Variants in MMD2 observed in about 807,000 individuals in gnomAD.
The protein encoded by MMD2 is monocyte to macrophage differentiation associated 2, also known as monocyte to macrophage differentiation factor 2.
Under a neutral mutation model 33.5 loss-of-function variants are expected in MMD2, and 30 were observed. The ratio of observed to expected loss-of-function variants is 0.90; its 90% confidence interval spans 0.67 to 1.22. The LOEUF (loss-of-function observed/expected upper bound fraction) is 1.22, where lower values mean the gene tolerates loss of function less well. Ranked by LOEUF, MMD2 falls within the 50% of genes most tolerant of loss-of-function variation. MMD2 has a pLI of 0.00. For missense variants in MMD2, 364 were observed against 325.4 expected, an observed-to-expected ratio of 1.12 and a Z score of -0.91; for synonymous variants, 129 against 123.0, an observed-to-expected ratio of 1.05 and a Z score of -0.32.
chr7:4,952,862 T>C (rs1329226897), intron 1 of MMD2, among the ~76,000 whole-genome samples: 2 of 152,044 alleles, frequency 1.3e-5, no homozygotes, highest in Non-Finnish European at 2.9e-5. Flanking sequence ...TGGCTAATTT[T>C]TGTATTTTTA....
the MMD2 span, among the ~76,000 whole-genome samples, chr7:4,894,285 T>G: frequency 1.7e-4 from 26 of 152,304 alleles, no homozygotes; most frequent in Admixed American, 1.5e-3. This position sits in a 1 kb window ranked among gnomAD's most constrained non-coding sequence, Gnocchi z 4.3. Context: ...CATGGGGAAG[T>G]CCAGGCCACA....
At chr7:4,899,714 G>T in the MMD2 span, among the ~76,000 whole-genome samples, 3 of 152,050 alleles carry the variant, frequency 2.0e-5, no homozygotes, top group Non-Finnish European at 2.9e-5. Context: ...GTATTTCTTA[G>T]TATGGGTCTT....
At chr7:4,958,676 C>A (rs1237708549) in intron 1 of MMD2, among the ~76,000 whole-genome samples, 1 of 152,220 alleles carries the variant, frequency 6.6e-6, no homozygotes, top group Non-Finnish European at 1.5e-5. Flanking sequence ...CTCACGGCGA[C>A]CCAGGACACG....
At chr7:4,941,636 A>AC (rs1562492054) in intron 1 of MMD2, among the ~76,000 whole-genome samples, 2 of 151,920 alleles carry the variant, frequency 1.3e-5, no homozygotes, top group African/African-American at 4.8e-5. Context: ...TCTCAAAAAA[A>AC]AAAAAAAAAG....
At chr7:4,958,851 G>A (rs1786460209) in intron 1 of MMD2, 120 bp downstream of exon 1, 1 of 875,234 alleles carries the variant, frequency 1.1e-6, no homozygotes, top group Non-Finnish European at 1.5e-6. Context: ...GGGGTCAGGG[G>A]TCCGCCGATC....
At chr7:4,911,499 T>C (rs1342870994) in intron 4 of MMD2, among the ~76,000 whole-genome samples, 1 of 152,204 alleles carries the variant, frequency 6.6e-6, no homozygotes, top group Non-Finnish European at 1.5e-5. Context: ...AAGTAGCACC[T>C]CATACTGGTG....
intron 4 of MMD2, among the ~76,000 whole-genome samples, chr7:4,911,621 C>A (rs1196546293): frequency 7.6e-6 from 1 of 131,242 alleles, no homozygotes; most frequent in African/African-American, 3.0e-5. Flanking sequence ...TATTTTATTT[C>A]ATTTATTTTA....
rs1786090540 is a variant in MMD2, at chr7:4,946,454, T to TG, written c.47+12516dup. Reference sequence around the variant, plus strand: ...TGAGTCCAGTGATGCTGAAGGGAAGTGGGGGTGCAGAGTCTTCACTAAGGG... The same window carrying TG: ...TGAGTCCAGTGATGCTGAAGGGAAGTGGGGGGTGCAGAGTCTTCACTAAGGG... On this transcript the variant is annotated intron_variant, in intron 1 of 6. Transcript: ENST00000401401. The surrounding 1 kb of genome is among the most constrained non-coding windows in gnomAD (Gnocchi z 5.0). Among the ~76,000 whole-genome samples the TG allele has an allele frequency of 6.6e-6, 1 of 151,998 alleles. No homozygotes were observed. The highest frequency in any genetic ancestry group is 1.5e-5 in the Non-Finnish European group (1 of 68,008).
At chr7:4,949,647 GA>G (rs1334186030) in intron 1 of MMD2, among the ~76,000 whole-genome samples, 1 of 151,866 alleles carries the variant, frequency 6.6e-6, no homozygotes, top group African/African-American at 2.4e-5. Flanking sequence ...GAGTAGCTGG[GA>G]CTACAGGCAC....
intron 2 of MMD2, among the ~76,000 whole-genome samples, chr7:4,921,386 C>T (rs1785279911): frequency 6.6e-6 from 1 of 151,400 alleles, no homozygotes; most frequent in Admixed American, 6.6e-5. Flanking sequence ...TTTAGGAGGC[C>T]GAGGCGGGCA....
chr7:4,895,725 C>T, the MMD2 span, among the ~76,000 whole-genome samples: 2 of 151,974 alleles, frequency 1.3e-5, no homozygotes, highest in South Asian at 2.1e-4. Context: ...TTAGTAGAGA[C>T]GTGTTTCATC....
At position 4,925,599 on chromosome 7, in the gene MMD2, G is replaced by A. The variant is rs138487890; in HGVS notation, c.48-67C>T. On this transcript the variant is annotated intron_variant, in intron 1 of 6. Coordinates refer to ENST00000401401, the MANE Select transcript of MMD2 (RefSeq NM_198403.4). ...GAGGTGCCATCCGAATTCCCAGGAA[G>A]CCTGAAGACCTTACTTCCTACTGGT... 3 of 1,267,788 alleles carry A rather than the reference G, an allele frequency of 2.4e-6. No individual in the cohort carries two copies. In the African/African-American group the frequency reaches 4.6e-5, roughly 19 times the overall value. The allele number at this position is 1,267,788 out of a possible 1,614,324, so 78.5% of individuals were successfully genotyped here.
At chr7:4,945,678 G>T (rs540312499) in intron 1 of MMD2, among the ~76,000 whole-genome samples, 4 of 151,626 alleles carry the variant, frequency 2.6e-5, no homozygotes, top group Non-Finnish European at 5.9e-5. Context: ...GGGTTCAAAC[G>T]ATTCTCCTGC....
chr7:4,914,360 T>G (rs893604132), intron 4 of MMD2, among the ~76,000 whole-genome samples: 1 of 152,224 alleles, frequency 6.6e-6, no homozygotes, highest in Non-Finnish European at 1.5e-5. Flanking sequence ...TTTTTCACAT[T>G]GCAAATAATT....
At chr7:4,926,968 A>T (rs1583375964) in intron 1 of MMD2, among the ~76,000 whole-genome samples, 2 of 150,222 alleles carry the variant, frequency 1.3e-5, no homozygotes, top group Non-Finnish European at 3.0e-5. Context: ...ATGGTCTCGA[A>T]TTCCTGACCT....
chr7:4,935,295 T>G (rs902718522), intron 1 of MMD2, among the ~76,000 whole-genome samples: 2 of 151,914 alleles, frequency 1.3e-5, no homozygotes, highest in Non-Finnish European at 2.9e-5. Context: ...GACGCTGCAG[T>G]GAGCTATGAT....
chr7:4,917,301 C>A (rs1297215755), intron 3 of MMD2, among the ~76,000 whole-genome samples: 1 of 152,092 alleles, frequency 6.6e-6, no homozygotes, highest in Non-Finnish European at 1.5e-5. Flanking sequence ...AGCAACCTGA[C>A]ACGGGGCTGT....
downstream of MMD2, among the ~76,000 whole-genome samples, chr7:4,902,292 T>C (rs1019645677): frequency 6.6e-6 from 1 of 152,184 alleles, no homozygotes; most frequent in Non-Finnish European, 1.5e-5. Context: ...TCAGCTTTCC[T>C]CCCTGGGCAA....
chr7:4,901,205 C>T (rs556938977), downstream of MMD2, among the ~76,000 whole-genome samples: 211 of 151,580 alleles, frequency 1.4e-3, no homozygotes, highest in African/African-American at 4.9e-3. Context: ...CCTTGGGAGG[C>T]CAAGGTGGGC....
Sources: gnomAD v4.1 joint callset for allele counts (sites outside exome capture counted in the v4.1 genomes callset) on GRCh38, gnomAD v4.1.1 for gene constraint, Gnocchi (gnomAD v3.1) non-coding constraint, MANE v1.5 for transcripts, NCBI Gene and HGNC (gene_info 2026-07-23, HGNC 2026-07-21) for gene names.